The following ENTREP2 variants were observed in gnomAD, a reference collection of about 807,000 sequenced individuals.
ENTREP2 encodes the protein protein ENTREP2.
the ENTREP2 span, among the ~76,000 whole-genome samples, chr15:29,590,106 C>T: frequency 6.6e-6 from 1 of 152,246 alleles, no homozygotes; most frequent in South Asian, 2.1e-4. Flanking sequence ...GCCCTTGCAG[C>T]TGGGCCACTG....
the ENTREP2 span, among the ~76,000 whole-genome samples, chr15:29,603,195 G>C: frequency 1.4e-3 from 212 of 152,314 alleles, no homozygotes; most frequent in Non-Finnish European, 2.3e-3. Context: ...CCTGGCCCTG[G>C]GTGGAAGCAA....
chr15:29,572,763 T>C, the ENTREP2 span, among the ~76,000 whole-genome samples: 1 of 152,010 alleles, frequency 6.6e-6, no homozygotes, highest in African/African-American at 2.4e-5. Flanking sequence ...CAGAGAACTT[T>C]CGGTCTAGTG....
At chr15:29,308,792 C>A in the ENTREP2 span, among the ~76,000 whole-genome samples, 2 of 152,152 alleles carry the variant, frequency 1.3e-5, no homozygotes, top group African/African-American at 4.8e-5. Context: ...ACAGCAGAGG[C>A]AAGAAGGACA....
At chr15:29,336,195 G>A in the ENTREP2 span, among the ~76,000 whole-genome samples, 4 of 150,148 alleles carry the variant, frequency 2.7e-5, no homozygotes, top group African/African-American at 7.4e-5. Context: ...TTTTCCTATC[G>A]TCATACTTGT....
chr15:29,184,223 G>C, the ENTREP2 span, among the ~76,000 whole-genome samples: 1 of 152,180 alleles, frequency 6.6e-6, no homozygotes, highest in South Asian at 2.1e-4. Context: ...GAGCTCAAGC[G>C]ATCCGCCGGC....
the ENTREP2 span, among the ~76,000 whole-genome samples, chr15:29,400,303 G>A: frequency 2.6e-5 from 4 of 152,110 alleles, no homozygotes; most frequent in Admixed American, 2.0e-4. Context: ...ATTTATAATG[G>A]TAAGCAAAAA....
At chr15:29,449,431 G>C in the ENTREP2 span, among the ~76,000 whole-genome samples, 2 of 152,200 alleles carry the variant, frequency 1.3e-5, no homozygotes, top group East Asian at 1.9e-4. Context: ...GACAGGGACA[G>C]GAAGAAGAAG....
the ENTREP2 span, among the ~76,000 whole-genome samples, chr15:29,361,133 A>G: frequency 1.6e-4 from 24 of 152,238 alleles, no homozygotes; most frequent in Middle Eastern, 3.4e-3. Flanking sequence ...AACTCCACCC[A>G]TCCAATAATA....
chr15:29,291,025 T>C, the ENTREP2 span, among the ~76,000 whole-genome samples: 1 of 152,180 alleles, frequency 6.6e-6, no homozygotes, highest in South Asian at 2.1e-4. Context: ...TGAATGGACA[T>C]GTGAGTAGAA....
chr15:29,640,820 C>T, the ENTREP2 span, among the ~76,000 whole-genome samples: 1 of 152,224 alleles, frequency 6.6e-6, no homozygotes. Flanking sequence ...CACTTTCCAA[C>T]TCTTCCTATG....
the ENTREP2 span, among the ~76,000 whole-genome samples, chr15:29,443,660 G>A: frequency 6.6e-6 from 1 of 152,040 alleles, no homozygotes; most frequent in East Asian, 1.9e-4. Flanking sequence ...AGAAACACAA[G>A]TTACAGTAGG....
chr15:29,419,829 AAAT>A, the ENTREP2 span, among the ~76,000 whole-genome samples: 1 of 152,210 alleles, frequency 6.6e-6, no homozygotes, highest in Non-Finnish European at 1.5e-5. Flanking sequence ...ATCACCAAGA[AAAT>A]ATCCTTCAAA....
At chr15:29,637,326 T>C in the ENTREP2 span, among the ~76,000 whole-genome samples, 1 of 152,112 alleles carries the variant, frequency 6.6e-6, no homozygotes, top group African/African-American at 2.4e-5. Flanking sequence ...TGGGAGGACA[T>C]CATAAAGGTA....
the ENTREP2 span, among the ~76,000 whole-genome samples, chr15:29,200,104 TG>T: frequency 1.3e-5 from 2 of 152,154 alleles, no homozygotes; most frequent in African/African-American, 4.8e-5. Context: ...TTGATTACTG[TG>T]GCTATAAGTC....
At chr15:29,423,501 T>C in the ENTREP2 span, among the ~76,000 whole-genome samples, 1 of 152,008 alleles carries the variant, frequency 6.6e-6, no homozygotes, top group Admixed American at 6.6e-5. Flanking sequence ...TTACAAAGTT[T>C]ATTTGGGCCG....
chr15:29,281,297 TA>T, the ENTREP2 span, among the ~76,000 whole-genome samples: 1 of 152,210 alleles, frequency 6.6e-6, no homozygotes, highest in Non-Finnish European at 1.5e-5. Flanking sequence ...TGATATTTTC[TA>T]AATGTATAAA....
chr15:29,453,088 T>C, the ENTREP2 span, among the ~76,000 whole-genome samples: 1 of 152,164 alleles, frequency 6.6e-6, no homozygotes, highest in Non-Finnish European at 1.5e-5. Flanking sequence ...AATAGTCTTC[T>C]ATCACAATAA....
chr15:29,565,240 C>T, the ENTREP2 span, among the ~76,000 whole-genome samples: 1,790 of 152,284 alleles, frequency 0.012, 26 homozygotes, highest in African/African-American at 0.041. Context: ...TAATATCCCA[C>T]GCTGCAAGAG....
the ENTREP2 span, among the ~76,000 whole-genome samples, chr15:29,318,326 T>C: frequency 1.3e-5 from 2 of 151,196 alleles, no homozygotes; most frequent in Non-Finnish European, 1.5e-5. Flanking sequence ...TTTTTTTTTG[T>C]TTTTTGTTTT....
Sources: allele counts gnomAD v4.1 joint callset (sites outside exome capture counted in the v4.1 genomes callset), GRCh38; gene constraint gnomAD v4.1.1; transcripts MANE v1.5; gene names NCBI Gene and HGNC (gene_info 2026-07-23, HGNC 2026-07-21).